Variants in GPAM observed in about 807,000 individuals in gnomAD.
GPAM encodes the protein glycerol-3-phosphate acyltransferase 1, mitochondrial.
Under a neutral mutation model 105.0 loss-of-function variants are expected in GPAM, and 56 were observed. The observed-to-expected ratio is 0.53, with a 90% CI of 0.43 to 0.67. The LOEUF (loss-of-function observed/expected upper bound fraction) is 0.67. Among genes scored for constraint, GPAM ranks in the 30% least tolerant of loss-of-function variants. GPAM has a pLI of 0.00. For missense variants in GPAM, 855 were observed against 989.8 expected (o/e 0.86, Z 1.83); for synonymous variants, 368 against 354.4 (o/e 1.04, Z -0.43).
chr10:112,160,475 A>T, intron 16 of GPAM, 129 bp downstream of exon 16: 1 of 1,237,002 alleles, frequency 8.1e-7, no homozygotes, highest in Non-Finnish European at 1.1e-6. Context: ...TTTCGTTTGA[A>T]AACTAAAATT....
chr10:112,203,571 A>G (rs1847824599), intron 1 of GPAM, among the ~76,000 whole-genome samples: 2 of 151,990 alleles, frequency 1.3e-5, no homozygotes, highest in Non-Finnish European at 2.9e-5. Context: ...TTTTTCACCC[A>G]CTCAAACTTC....
chr10:112,164,512 C>G lies in GPAM; in HGVS notation c.1307+13G>C, dbSNP rs372633869. ...GTAGCTTGATTAGCATTAAACAATT[C>G]TACAAATTTTACCTTGAAGGAAGTA... On this transcript the variant is annotated intron_variant, in intron 13 of 21. Coordinates refer to ENST00000348367, the MANE Select transcript of GPAM (RefSeq NM_001244949.2). 30 of 1,372,792 alleles carry G rather than the reference C, an allele frequency of 2.2e-5. No individual in the cohort carries two copies. The highest frequency in any genetic ancestry group is 3.0e-5 in the Non-Finnish European group (29 of 960,054). The allele number at this position is 1,372,792 out of a possible 1,614,324, so 85.0% of individuals were successfully genotyped here.
the GPAM span, among the ~76,000 whole-genome samples, chr10:112,224,584 G>A: frequency 3.3e-5 from 5 of 152,048 alleles, no homozygotes; most frequent in Admixed American, 1.3e-4. Flanking sequence ...GGGAAACACC[G>A]TGTTCCCCTG....
intron 5 of GPAM, 90 bp from the exon 6 acceptor site, chr10:112,175,803 AGCCTAAT>A: frequency 1.3e-6 from 1 of 780,552 alleles, no homozygotes. Flanking sequence ...ATAAAAACAA[AGCCTAAT>A]GTCATCTCTT....
Position 112,180,554 on chromosome 10 carries a change from A to C in GPAM, c.144T>G (p.Thr48=). ...GFRPTIFRSA[T]LKWKESLMSR... ...TCATTAGGCTTTCTTTCCATTTTAA[A>C]GTTGCAGATCTGAAGATGGTGGGTC... is the stretch of plus-strand genomic sequence containing the variant. Residue 48 remains threonine (T), a synonymous_variant, in exon 4 of 22, where the codon ACT becomes ACG. Coordinates refer to ENST00000348367, the MANE Select transcript of GPAM (RefSeq NM_001244949.2). 1 of 1,612,384 alleles carries C rather than the reference A, an allele frequency of 6.2e-7. No homozygotes were observed. Among genetic ancestry groups the C allele is most frequent in the Non-Finnish European group, 8.5e-7 (1 of 1,178,422 alleles).
At chr10:112,200,686 G>C (rs1217567751) in intron 1 of GPAM, among the ~76,000 whole-genome samples, 2 of 152,074 alleles carry the variant, frequency 1.3e-5, no homozygotes, top group Non-Finnish European at 2.9e-5. Context: ...GAATGAAGAA[G>C]AGAACAAGCA....
intron 1 of GPAM, among the ~76,000 whole-genome samples, chr10:112,192,473 G>A (rs1196310872): frequency 6.6e-6 from 1 of 152,236 alleles, no homozygotes; most frequent in East Asian, 1.9e-4. Context: ...GGTGGTCAGG[G>A]AGGACTCCTA....
upstream of GPAM, among the ~76,000 whole-genome samples, chr10:112,219,907 A>C (rs1450372595): frequency 2.0e-5 from 3 of 152,198 alleles, no homozygotes; most frequent in African/African-American, 7.2e-5. Context: ...CACCTTTGTA[A>C]AACTAATGAA....
chr10:112,194,332 G>A (rs548225164), intron 1 of GPAM, among the ~76,000 whole-genome samples: 1 of 152,318 alleles, frequency 6.6e-6, no homozygotes, highest in Non-Finnish European at 1.5e-5. Flanking sequence ...TAAACCAAAG[G>A]TCGTAATGTA....
rs540432695 is a variant in GPAM at position 112,165,461 on chromosome 10, G to A, written c.1222-851C>T. Among the ~76,000 whole-genome samples the A allele has an allele frequency of 5.2e-4, 79 of 152,250 alleles. 2 individuals carry two copies. In the South Asian group the frequency reaches 0.015, roughly 28 times the overall value. ...CACTTTGGGAGGCAGATGAGGAGGCGGGCAGATCACCTGAGGTCAGAAGTT... is the reference window on the plus strand; with the variant it reads ...CACTTTGGGAGGCAGATGAGGAGGCAGGCAGATCACCTGAGGTCAGAAGTT... On this transcript the variant is annotated intron_variant, in intron 12 of 21. Coordinates refer to ENST00000348367, the MANE Select transcript of GPAM (RefSeq NM_001244949.2).
In GPAM at chr10:112,151,925, C is replaced by G. The variant is rs12146169; in HGVS notation, c.*1625G>C. The G allele has an allele frequency of 4.1e-6, 4 of 976,180 alleles. No individual in the cohort carries two copies. Among genetic ancestry groups the G allele is most frequent in the African/African-American group, 1.8e-5 (1 of 57,040 alleles). The allele number at this position is 976,180 out of a possible 1,614,324, so 60.5% of individuals were successfully genotyped here. A position where few individuals can be genotyped will look rare whatever the true frequency, so the allele number is the denominator to read the frequency against. On this transcript the variant is annotated 3_prime_UTR_variant, in exon 22 of 22. Transcript: ENST00000348367. ...CAACTGACAATGACTTCATGGTATA[C>G]ATCAATTCCTATAAAGAAAAAATAT...
chr10:112,201,105 G>A (rs1396841429), intron 1 of GPAM, among the ~76,000 whole-genome samples: 1 of 152,192 alleles, frequency 6.6e-6, no homozygotes, highest in African/African-American at 2.4e-5. Flanking sequence ...CTTCTGAAAA[G>A]GAATTATTTT....
rs1364338861 is a variant in GPAM, at chr10:112,160,794, C to T, written c.1569G>A (p.Leu523=). The change falls in exon 16 of 22, where the codon CTG becomes CTA. Residue 523 remains leucine (L), a synonymous_variant. Transcript: ENST00000348367. ...CATCTTCTGAATTTCCTGAGAACCC[C>T]AGGTCAAAATCACGAGCCAGGACTT... ...KEEVLARDFD[L]GFSGNSEDVV... is the part of the protein sequence containing the mutation. The T allele has an allele frequency of 1.2e-6, 2 of 1,613,876 alleles. No individual in the cohort carries two copies. Among genetic ancestry groups the T allele is most frequent in the Non-Finnish European group, 8.5e-7 (1 of 1,179,898 alleles).
chr10:112,189,514 T>C (rs1333081778), intron 1 of GPAM, among the ~76,000 whole-genome samples: 1 of 152,212 alleles, frequency 6.6e-6, no homozygotes, highest in Non-Finnish European at 1.5e-5. Context: ...GACCTACCTG[T>C]TCAAGACGTA....
intron 1 of GPAM, among the ~76,000 whole-genome samples, chr10:112,203,796 C>T (rs534273193): frequency 2.7e-4 from 41 of 152,262 alleles, no homozygotes; most frequent in East Asian, 1.9e-3. Context: ...TATGATGCTG[C>T]GGTTCAGGAA....
intron 7 of GPAM, 42 bp downstream of exon 7, chr10:112,173,657 G>T (rs777209584): frequency 1.9e-6 from 3 of 1,593,666 alleles, no homozygotes; most frequent in Non-Finnish European, 1.7e-6. Flanking sequence ...GCTCAAATCA[G>T]CATGGCTGTG....
intron 1 of GPAM, among the ~76,000 whole-genome samples, chr10:112,200,167 AATATATATATATATATATATAT>A (rs10528337): frequency 0.16 from 14,385 of 87,232 alleles, 2,651 homozygotes; most frequent in African/African-American, 0.42. Flanking sequence ...TTGTAAAGGA[AATATATATATATATATATATAT>A]ATATATATAT....
intron 17 of GPAM, among the ~76,000 whole-genome samples, chr10:112,159,320 A>T (rs1022400625): frequency 1.5e-4 from 22 of 148,170 alleles, no homozygotes; most frequent in African/African-American, 5.5e-4. Flanking sequence ...TCCCAGGTTC[A>T]AGTGATCCTC....
chr10:112,182,053 A>G (rs1338265149), intron 2 of GPAM, among the ~76,000 whole-genome samples: 1 of 152,212 alleles, frequency 6.6e-6, no homozygotes, highest in African/African-American at 2.4e-5. Context: ...TCCTGAATAT[A>G]TAAGGATACA....
Sources: allele counts gnomAD v4.1 joint callset (sites outside exome capture counted in the v4.1 genomes callset), GRCh38; gene constraint gnomAD v4.1.1; transcripts MANE v1.5; gene names NCBI Gene and HGNC (gene_info 2026-07-23, HGNC 2026-07-21).